The following AKAP19 variants were observed in gnomAD, a reference collection of about 807,000 sequenced individuals.
The protein encoded by AKAP19 is A-kinase anchoring protein 19, also known as small A-kinase anchoring protein.
chr2:190,161,466 A>G, the AKAP19 span, among the ~76,000 whole-genome samples: 2 of 152,168 alleles, frequency 1.3e-5, no homozygotes, highest in Non-Finnish European at 2.9e-5. Flanking sequence ...ATTCTAAACA[A>G]GTAGCAAGTA....
the AKAP19 span, among the ~76,000 whole-genome samples, chr2:190,112,942 T>A: frequency 8.5e-5 from 13 of 152,118 alleles, no homozygotes; most frequent in Non-Finnish European, 2.9e-5. Context: ...TCTTTTTTTT[T>A]ATTATTAAAT....
chr2:190,200,063 A>G, the AKAP19 span: 17 of 1,614,102 alleles, frequency 1.1e-5, no homozygotes, highest in South Asian at 2.2e-5. Context: ...CTGTCTCAGG[A>G]TATCTTGTGT....
the AKAP19 span, among the ~76,000 whole-genome samples, chr2:189,954,757 T>C: frequency 1.3e-5 from 2 of 152,240 alleles, no homozygotes; most frequent in Non-Finnish European, 2.9e-5. Flanking sequence ...TTATTGACCA[T>C]CAGTGACTTT....
chr2:190,132,883 A>T, the AKAP19 span, among the ~76,000 whole-genome samples: 1 of 152,188 alleles, frequency 6.6e-6, no homozygotes, highest in Non-Finnish European at 1.5e-5. Context: ...CAAACCATGC[A>T]TCTGATAAGG....
chr2:190,097,375 T>C, the AKAP19 span, among the ~76,000 whole-genome samples: 1 of 152,170 alleles, frequency 6.6e-6, no homozygotes, highest in African/African-American at 2.4e-5. Flanking sequence ...CTTGCCTAGA[T>C]ATTGATGGCA....
the AKAP19 span, among the ~76,000 whole-genome samples, chr2:190,124,977 C>T: frequency 2.0e-5 from 3 of 152,092 alleles, no homozygotes; most frequent in African/African-American, 7.2e-5. Context: ...TTGTTTCCAC[C>T]TCCATATCTT....
At chr2:189,931,771 A>T in the AKAP19 span, among the ~76,000 whole-genome samples, 7 of 151,856 alleles carry the variant, frequency 4.6e-5, no homozygotes, top group African/African-American at 1.7e-4. Flanking sequence ...GGCACGCACC[A>T]CCATGCTCAG....
the AKAP19 span, among the ~76,000 whole-genome samples, chr2:190,082,927 CT>C: frequency 6.6e-6 from 1 of 152,156 alleles, no homozygotes; most frequent in East Asian, 1.9e-4. Context: ...CCTTATAAAA[CT>C]TAACACTTTT....
At chr2:190,122,326 T>C in the AKAP19 span, among the ~76,000 whole-genome samples, 1 of 152,212 alleles carries the variant, frequency 6.6e-6, no homozygotes, top group Non-Finnish European at 1.5e-5. Flanking sequence ...TGGGGAAAGA[T>C]GGCTGTTACC....
the AKAP19 span, chr2:189,923,299 G>T: frequency 1.3e-6 from 2 of 1,585,368 alleles, no homozygotes; most frequent in Non-Finnish European, 1.7e-6. Context: ...TCCCCTTCTT[G>T]TTTTCGGCTT....
the AKAP19 span, among the ~76,000 whole-genome samples, chr2:190,081,556 T>A: frequency 1.8e-4 from 27 of 152,234 alleles, no homozygotes; most frequent in Non-Finnish European, 3.4e-4. Flanking sequence ...TTTCATATTT[T>A]GCATGACTCC....
the AKAP19 span, among the ~76,000 whole-genome samples, chr2:189,957,880 G>A: frequency 2.2e-4 from 34 of 152,016 alleles, no homozygotes; most frequent in Admixed American, 8.5e-4. Context: ...TGCAACCTCC[G>A]CCTCCCAGGT....
At chr2:190,182,245 G>A in the AKAP19 span, among the ~76,000 whole-genome samples, 1 of 152,182 alleles carries the variant, frequency 6.6e-6, no homozygotes, top group Non-Finnish European at 1.5e-5. Context: ...TTAGGAAGCA[G>A]TACCTGTTTC....
chr2:190,143,991 A>G, the AKAP19 span, among the ~76,000 whole-genome samples: 1 of 124,054 alleles, frequency 8.1e-6, no homozygotes, highest in Non-Finnish European at 1.6e-5. Context: ...TGGACACAGG[A>G]AGGGGAATAT....
the AKAP19 span, among the ~76,000 whole-genome samples, chr2:190,068,978 C>T: frequency 3.9e-5 from 6 of 152,060 alleles, no homozygotes; most frequent in African/African-American, 1.4e-4. Context: ...TGGCTCTTAA[C>T]AGGGACCATA....
chr2:189,941,262 G>A, the AKAP19 span, among the ~76,000 whole-genome samples: 4 of 152,096 alleles, frequency 2.6e-5, 1 homozygote, highest in African/African-American at 2.4e-5. Context: ...AAGCTAACAC[G>A]TGAAAAGAAA....
chr2:190,018,110 T>G, the AKAP19 span, among the ~76,000 whole-genome samples: 60 of 152,278 alleles, frequency 3.9e-4, no homozygotes, highest in African/African-American at 1.4e-3. Flanking sequence ...AGTTTGATTC[T>G]TATGTGTCAT....
chr2:189,975,885 T>C, the AKAP19 span, among the ~76,000 whole-genome samples: 1 of 152,220 alleles, frequency 6.6e-6, no homozygotes, highest in African/African-American at 2.4e-5. Flanking sequence ...GCCATTCGTC[T>C]AATCTTTTTT....
chr2:190,099,413 A>G, the AKAP19 span, among the ~76,000 whole-genome samples: 208 of 152,306 alleles, frequency 1.4e-3, no homozygotes, highest in African/African-American at 4.9e-3. Flanking sequence ...CAGTTTGTGG[A>G]GCAGTCAGGA....
Sources: allele counts gnomAD v4.1 joint callset (sites outside exome capture counted in the v4.1 genomes callset), GRCh38; gene constraint gnomAD v4.1.1; transcripts MANE v1.5; gene names NCBI Gene and HGNC (gene_info 2026-07-23, HGNC 2026-07-21).